Variants in GALNT14 observed in about 807,000 individuals in gnomAD.
GALNT14 encodes UDP-GalNAc:polypeptide N-acetylgalactosaminyltransferase 14.
In GALNT14, 60 loss-of-function variants were observed where a neutral mutation model predicts 77.5. The observed-to-expected ratio is 0.77, with a 90% CI of 0.63 to 0.96. GALNT14 has a LOEUF of 0.96. Ranked by LOEUF, GALNT14 falls within the 40% of genes least tolerant of loss-of-function variation. GALNT14 has a pLI of 0.00. For synonymous variants in GALNT14, 280 were observed against 281.7 expected, an observed-to-expected ratio of 0.99 and a Z score of 0.06; for missense variants, 710 against 731.0, an observed-to-expected ratio of 0.97 and a Z score of 0.33.
At chr2:30,932,853 T>C (rs901679441) in intron 9 of GALNT14, among the ~76,000 whole-genome samples, 1 of 152,210 alleles carries the variant, frequency 6.6e-6, no homozygotes, top group Non-Finnish European at 1.5e-5. Flanking sequence ...TCTGTGCAGT[T>C]AACTAGAGCT....
chr2:31,127,577 GAA>G (rs1678763840), intron 1 of GALNT14, among the ~76,000 whole-genome samples: 1 of 152,158 alleles, frequency 6.6e-6, no homozygotes. Context: ...GCCCTTGACA[GAA>G]AAAGTTTGCC....
At chr2:31,033,502 T>C (rs763125527) in intron 1 of GALNT14, among the ~76,000 whole-genome samples, 14 of 152,224 alleles carry the variant, frequency 9.2e-5, no homozygotes, top group Non-Finnish European at 1.9e-4. Flanking sequence ...CTGATAATGC[T>C]ATTTTTGCTT....
chr2:30,951,039 A>G (rs1666995020), intron 6 of GALNT14, among the ~76,000 whole-genome samples: 1 of 152,232 alleles, frequency 6.6e-6, no homozygotes, highest in Non-Finnish European at 1.5e-5. Flanking sequence ...AATTTACCAT[A>G]TGAGCCAGCA....
At chr2:30,914,263 C>T (rs568264873) in intron 13 of GALNT14, among the ~76,000 whole-genome samples, 9 of 152,308 alleles carry the variant, frequency 5.9e-5, no homozygotes, top group African/African-American at 2.2e-4. Flanking sequence ...GTGGCCCCCA[C>T]ACCAACTTTC....
the GALNT14 span, among the ~76,000 whole-genome samples, chr2:30,896,042 A>G: frequency 6.6e-6 from 1 of 151,674 alleles, no homozygotes; most frequent in African/African-American, 2.4e-5. Flanking sequence ...CTGAGGCTCA[A>G]CTTCCTCATC....
chr2:30,938,821 G>C (rs935208123), intron 9 of GALNT14, among the ~76,000 whole-genome samples: 7 of 152,200 alleles, frequency 4.6e-5, no homozygotes, highest in African/African-American at 1.7e-4. Context: ...CATCTCATGC[G>C]TCTTTGTGCT....
intron 6 of GALNT14, among the ~76,000 whole-genome samples, chr2:30,948,693 G>A (rs966054672): frequency 4.6e-5 from 7 of 152,130 alleles, no homozygotes; most frequent in African/African-American, 1.7e-4. Context: ...CCCATTGCTG[G>A]TTTTAATTTG....
intron 9 of GALNT14, among the ~76,000 whole-genome samples, chr2:30,940,914 C>A (rs532849037): frequency 6.6e-6 from 1 of 152,186 alleles, no homozygotes; most frequent in Admixed American, 6.5e-5. Flanking sequence ...CCCTGTATGG[C>A]AGGAGACTGA....
intron 1 of GALNT14, among the ~76,000 whole-genome samples, chr2:31,088,768 G>A (rs556317276): frequency 6.6e-6 from 1 of 152,324 alleles, no homozygotes; most frequent in South Asian, 2.1e-4. Context: ...TAATGGGAAT[G>A]ATGTACTGAG....
At chr2:30,983,311 T>G (rs1170599967) in intron 2 of GALNT14, among the ~76,000 whole-genome samples, 1 of 138,710 alleles carries the variant, frequency 7.2e-6, no homozygotes, top group Admixed American at 7.0e-5. Context: ...TTTCAGTCTG[T>G]TTTTTTTGTT....
rs531589174 is a variant in GALNT14, at chr2:31,138,273, G to A, written c.-187C>T. The A allele has an allele frequency of 5.9e-5, 40 of 674,684 alleles. No homozygotes were observed. The South Asian group carries it at 6.9e-4, about 12-fold the overall frequency. 41.8% of individuals were successfully genotyped at this position (674,684 alleles called of 1,614,324 possible). On this transcript the variant is annotated 5_prime_UTR_variant, in exon 1 of 15. Coordinates refer to ENST00000349752, the MANE Select transcript of GALNT14 (RefSeq NM_024572.4). ...GCTTCGAAGAGAAGCGAGCCTGGGT[G>A]GGGGGTGCAGGGCGACCCGAAACGT...
At position 30,977,316 on chromosome 2, in the gene GALNT14, C is replaced by G. The variant is rs188597087; in HGVS notation, c.300-11014G>C. ...ATGTTGGCCAGGCTGGTCTCGAACT[C>G]CTGACCTCAGGTGATCCGCCCACCA... On this transcript the variant is annotated intron_variant, in intron 2 of 14. Coordinates refer to ENST00000349752, the MANE Select transcript of GALNT14 (RefSeq NM_024572.4). Among the ~76,000 whole-genome samples the G allele has an allele frequency of 2.7e-3, 418 of 152,270 alleles. 1 individual carries two copies. The highest frequency in any genetic ancestry group is 9.3e-3 in the African/African-American group (386 of 41,528).
At chr2:31,073,979 T>C (rs970155778) in intron 1 of GALNT14, among the ~76,000 whole-genome samples, 2 of 152,182 alleles carry the variant, frequency 1.3e-5, no homozygotes, top group Non-Finnish European at 2.9e-5. Context: ...ACCTGTATAT[T>C]TATTTGGGCC....
chr2:31,072,373 CTCTT>C (rs1345818882), intron 1 of GALNT14, among the ~76,000 whole-genome samples: 3 of 151,776 alleles, frequency 2.0e-5, no homozygotes, highest in South Asian at 2.1e-4. Context: ...CTCTCTTGCT[CTCTT>C]TTTTTTTCTT....
chr2:30,900,298 T>C, the GALNT14 span, among the ~76,000 whole-genome samples: 1 of 152,230 alleles, frequency 6.6e-6, no homozygotes, highest in South Asian at 2.1e-4. Context: ...TTACTGATAG[T>C]TCTTTCCAGT....
At chr2:31,066,960 A>AG (rs1675009868) in intron 1 of GALNT14, among the ~76,000 whole-genome samples, 1 of 151,966 alleles carries the variant, frequency 6.6e-6, no homozygotes, top group South Asian at 2.1e-4. Flanking sequence ...GACATTGCCC[A>AG]GGGGCCTGGA....
intron 1 of GALNT14, among the ~76,000 whole-genome samples, chr2:31,056,536 T>C (rs1674217014): frequency 6.6e-6 from 1 of 152,098 alleles, no homozygotes. Flanking sequence ...GTACCTATGA[T>C]TCAGATCAAT....
At chr2:31,106,414 TTA>T (rs1257573039) in intron 1 of GALNT14, among the ~76,000 whole-genome samples, 5 of 152,216 alleles carry the variant, frequency 3.3e-5, no homozygotes, top group Admixed American at 6.5e-5. Flanking sequence ...CTTCCCTTAT[TTA>T]TGTTTCATTT....
In GALNT14 at chr2:30,962,547, A is replaced by T. The variant is rs373614539; in HGVS notation, c.398+3657T>A. Among the ~76,000 whole-genome samples the T allele has an allele frequency of 7.9e-5, 12 of 152,368 alleles. No individual in the cohort carries two copies. In the South Asian group the frequency reaches 1.9e-3, roughly 24 times the overall value. ...CATAAACATGCAGACTCACTGCATC[A>T]GGAGTCAAGATAAACCACTCTTCAG... On this transcript the variant is annotated intron_variant, in intron 3 of 14. Transcript: ENST00000349752.
Sources: allele counts gnomAD v4.1 joint callset (sites outside exome capture counted in the v4.1 genomes callset), GRCh38; gene constraint gnomAD v4.1.1; transcripts MANE v1.5; gene names NCBI Gene and HGNC (gene_info 2026-07-23, HGNC 2026-07-21).